ZNF436: variants seen among roughly 807,000 people sequenced by gnomAD.
ZNF436 encodes DNA-binding protein.
Under a neutral mutation model 41.9 loss-of-function variants are expected in ZNF436, and 22 were observed. The ratio of observed to expected loss-of-function variants is 0.53; its 90% CI spans 0.38 to 0.75. The LOEUF (loss-of-function observed/expected upper bound fraction) is 0.75, where lower values mean the gene tolerates loss of function less well. Ranked by LOEUF, ZNF436 falls within the 30% of genes least tolerant of loss-of-function variation. The pLI, the probability that ZNF436 is intolerant of heterozygous loss-of-function variation, is 0.00. For missense variants in ZNF436, 506 were observed against 587.3 expected, an observed-to-expected ratio of 0.86 and a Z score of 1.43; for synonymous variants, 217 against 197.8, an observed-to-expected ratio of 1.10 and a Z score of -0.82.
Position 23,362,891 on chromosome 1 carries a change from C to T in ZNF436, c.491G>A (p.Arg164Lys). 1 of 1,614,176 alleles carries T rather than the reference C, an allele frequency of 6.2e-7. No individual in the cohort carries two copies. Among genetic ancestry groups the T allele is most frequent in the Non-Finnish European group, 8.5e-7 (1 of 1,180,032 alleles). Residue 164 changes from arginine to lysine, a missense_variant, in exon 4 of 4, where the codon AGA becomes AAA. Transcript: ENST00000314011. ...NRHQKTHTGD[R>K]PYKCYECGKG... ...TCCACATTCATAACATTTATAGGGT[C>T]TGTCTCCAGTGTGGGTCTTCTGATG...
At chr1:23,368,094 G>A (rs1638402682) in intron 1 of ZNF436, 29 bp from the exon 2 acceptor site, 1 of 1,505,354 alleles carries the variant, frequency 6.6e-7, no homozygotes, top group South Asian at 1.2e-5. Flanking sequence ...AGGGCGTGAG[G>A]CACGGAAAAC....
At position 23,367,227 on chromosome 1, in the gene ZNF436, CATG is replaced by C. The variant is rs1638379026; in HGVS notation, c.34-62_34-60del. The C allele has an allele frequency of 2.0e-6, 3 of 1,514,104 alleles. No homozygotes were observed. In the African/African-American group the frequency reaches 4.2e-5, roughly 21 times the overall value. The allele number at this position is 1,514,104 out of a possible 1,614,324, so 93.8% of individuals were successfully genotyped here. A position where few individuals can be genotyped will look rare whatever the true frequency, so the allele number is the denominator to read the frequency against. The stretch of plus-strand genomic sequence containing the variant: ...ATTTAGGACTTCTTGAAATTAGAAA[CATG>C]ATTAGAAATATTCAGGAGGAAAAAT... On this transcript the variant is annotated intron_variant, in intron 2 of 3. Transcript: ENST00000314011.
At position 23,360,714 on chromosome 1, in the gene ZNF436, C is replaced by A. The variant is rs923409848; in HGVS notation, c.*1255G>T. 3 of 152,658 alleles carry A rather than the reference C, an allele frequency of 2.0e-5. No homozygotes were observed. Among genetic ancestry groups the A allele is most frequent in the Non-Finnish European group, 4.4e-5 (3 of 68,044 alleles). 9.5% of individuals were successfully genotyped at this position (152,658 alleles called of 1,614,324 possible). On this transcript the variant is annotated 3_prime_UTR_variant, in exon 4 of 4. Coordinates refer to ENST00000314011, the MANE Select transcript of ZNF436 (RefSeq NM_001077195.2). ...ATCGACCTATTTGTCTGGTCATTAT[C>A]TTCCACAATTGACAAACACATACAA... is the stretch of plus-strand genomic sequence containing the variant.
In ZNF436 at chr1:23,361,904, G is replaced by A. The variant is rs1335110638; in HGVS notation, c.*65C>T. On this transcript the variant is annotated 3_prime_UTR_variant, in exon 4 of 4. Transcript: ENST00000314011. ...ATAAAAGCAGCTCAGTCTTGAGGGC[G>A]TTCATTGATATCAAATAAAATTGTA... is the stretch of plus-strand genomic sequence containing the variant. The A allele has an allele frequency of 2.6e-5, 39 of 1,485,834 alleles. No homozygotes were observed. The highest frequency in any genetic ancestry group is 1.9e-4 in the Admixed American group (9 of 46,862). The allele number at this position is 1,485,834 out of a possible 1,614,324, so 92.0% of individuals were successfully genotyped here. A position where few individuals can be genotyped will look rare whatever the true frequency, so the allele number is the denominator to read the frequency against.
At chr1:23,363,842 C>T (rs145286736) in intron 3 of ZNF436, among the ~76,000 whole-genome samples, 205 of 152,236 alleles carry the variant, frequency 1.3e-3, no homozygotes, top group African/African-American at 4.7e-3. Context: ...GAGTTCAAGA[C>T]CAGCCTGGGC....
rs781219413 is a variant in ZNF436, at chr1:23,369,353, C to G, written c.-61+13G>C. On this transcript the variant is annotated intron_variant, in intron 1 of 3. Coordinates refer to ENST00000314011, the MANE Select transcript of ZNF436 (RefSeq NM_001077195.2). ...GGAAGCCGAAAACCCGAGTGGGGGA[C>G]GAACAGACTTACCTCCTGTCCCGCA... 1.9e-6 allele frequency: 1 copy of G among 532,816 alleles called. No homozygotes were observed. The highest frequency in any genetic ancestry group is 3.9e-6 in the Non-Finnish European group (1 of 258,728). 33.0% of individuals were successfully genotyped at this position (532,816 alleles called of 1,614,324 possible).
Position 23,362,920 on chromosome 1 carries a change from A to G in ZNF436, c.462T>C (p.Asn154=). ...GKAFSQISDL[N]RHQKTHTGDR... ...CTCCAGTGTGGGTCTTCTGATGTCG[A>G]TTAAGGTCTGAGATCTGACTGAAGG... The change falls in exon 4 of 4, where the codon AAT becomes AAC. Residue 154 remains asparagine, a synonymous_variant. Coordinates refer to ENST00000314011, the MANE Select transcript of ZNF436 (RefSeq NM_001077195.2). 1 of 1,614,172 alleles carries G rather than the reference A, an allele frequency of 6.2e-7. No individual in the cohort carries two copies. The highest frequency in any genetic ancestry group is 1.1e-5 in the South Asian group (1 of 91,088).
Position 23,367,831 on chromosome 1 carries a change from G to A in ZNF436, c.33+142C>T, listed in dbSNP as rs1043982452. 6 of 842,734 alleles carry A rather than the reference G, an allele frequency of 7.1e-6. No individual in the cohort carries two copies. The Admixed American group carries it at 8.9e-5, about 12-fold the overall frequency. 52.2% of individuals were successfully genotyped at this position (842,734 alleles called of 1,614,324 possible). The stretch of plus-strand genomic sequence containing the variant: ...TGTTTGTTTGTGACTATACTGGCCT[G>A]GTACTAGGCCCCTGGAGGCAGAATA... On this transcript the variant is annotated intron_variant, in intron 2 of 3. Coordinates refer to ENST00000314011, the MANE Select transcript of ZNF436 (RefSeq NM_001077195.2).
At chr1:23,369,255 G>A (rs1638442322) in intron 1 of ZNF436, 111 bp downstream of exon 1, 1 of 445,446 alleles carries the variant, frequency 2.2e-6, no homozygotes. Flanking sequence ...CGCACCGAAG[G>A]GACCCTGGGC....
intron 3 of ZNF436, among the ~76,000 whole-genome samples, chr1:23,363,476 A>G (rs187917818): frequency 2.0e-5 from 3 of 152,268 alleles, no homozygotes; most frequent in African/African-American, 7.2e-5. Flanking sequence ...TTTAGTAGAC[A>G]CAGGGTTTCA....
Position 23,361,930 on chromosome 1 carries a change from T to C in ZNF436, c.*39A>G. The stretch of plus-strand genomic sequence containing the variant: ...TTCATTGATATCAAATAAAATTGTA[T>C]CTTCAAATGAATCATTTCTCAGCCA... On this transcript the variant is annotated 3_prime_UTR_variant, in exon 4 of 4. Transcript: ENST00000314011. 1.3e-6 allele frequency: 2 copies of C among 1,532,576 alleles called. No individual in the cohort carries two copies. The allele number at this position is 1,532,576 out of a possible 1,614,324, so 94.9% of individuals were successfully genotyped here. A position where few individuals can be genotyped will look rare whatever the true frequency, so the allele number is the denominator to read the frequency against.
chr1:23,369,064 C>T, intron 1 of ZNF436: 1 of 237,856 alleles, frequency 4.2e-6, no homozygotes, highest in South Asian at 4.0e-5. Context: ...CTCAAGGGGG[C>T]GCCCCTCGAG....
At chr1:23,363,997 G>C (rs1638302414) in intron 3 of ZNF436, among the ~76,000 whole-genome samples, 1 of 152,112 alleles carries the variant, frequency 6.6e-6, no homozygotes, top group African/African-American at 2.4e-5. Flanking sequence ...AGCTGTGATT[G>C]TGCCACCGCA....
At chr1:23,366,513 A>T (rs1024055863) in intron 3 of ZNF436, among the ~76,000 whole-genome samples, 1 of 152,256 alleles carries the variant, frequency 6.6e-6, no homozygotes, top group Non-Finnish European at 1.5e-5. Flanking sequence ...GATCTATTTC[A>T]GCATTCTTCT....
Position 23,369,440 on chromosome 1 carries a change from A to G in ZNF436, c.-135T>C. ...GACCGCGAACGGGTTCCAGAGCCGC[A>G]GCGTTCTCTCAGACCTGGCGTTCAG... On this transcript the variant is annotated 5_prime_UTR_variant, in exon 1 of 4. Coordinates refer to ENST00000314011, the MANE Select transcript of ZNF436 (RefSeq NM_001077195.2). 1.9e-6 allele frequency: 1 copy of G among 534,584 alleles called. No individual in the cohort carries two copies. The highest frequency in any genetic ancestry group is 1.9e-5 in the African/African-American group (1 of 52,100). The allele number at this position is 534,584 out of a possible 1,614,324, so 33.1% of individuals were successfully genotyped here.
intron 3 of ZNF436, among the ~76,000 whole-genome samples, chr1:23,364,484 C>T (rs533981206): frequency 5.9e-5 from 9 of 152,268 alleles, no homozygotes; most frequent in South Asian, 4.1e-4. Flanking sequence ...GTGATCTGCC[C>T]GCCTCAGCCT....
In ZNF436 at chr1:23,368,624, G is replaced by A. The variant is rs973440223; in HGVS notation, c.-60-559C>T. Among the ~76,000 whole-genome samples the A allele has an allele frequency of 5.9e-5, 9 of 152,336 alleles. No individual in the cohort carries two copies. The East Asian group carries it at 1.7e-3, about 29-fold the overall frequency. On this transcript the variant is annotated intron_variant, in intron 1 of 3. Transcript: ENST00000314011. ...TAAGCGCGTCCTCCCAGTCAGGGCG[G>A]AGTATTCTCGCTTTTTTCTTATGGA...
At chr1:23,368,147 C>T (rs1448048596) in intron 1 of ZNF436, 82 bp from the exon 2 acceptor site, 2 of 953,696 alleles carry the variant, frequency 2.1e-6, no homozygotes, top group East Asian at 5.3e-5. Context: ...GGCCCCAAGG[C>T]GGGCAGGGAG....
At chr1:23,363,651 A>G (rs776895043) in intron 3 of ZNF436, among the ~76,000 whole-genome samples, 40 of 152,204 alleles carry the variant, frequency 2.6e-4, no homozygotes, top group Non-Finnish European at 5.3e-4. Flanking sequence ...AAGTGAATTG[A>G]CTTGCTCAAG....
Sources: allele counts gnomAD v4.1 joint callset (sites outside exome capture counted in the v4.1 genomes callset), GRCh38; gene constraint gnomAD v4.1.1; transcripts MANE v1.5; gene names NCBI Gene and HGNC (gene_info 2026-07-23, HGNC 2026-07-21).